Variants in CPQ observed in about 807,000 individuals in gnomAD.
CPQ encodes the protein carboxypeptidase Q.
A neutral mutation model predicts 45.7 loss-of-function variants in CPQ; 37 were observed. The observed-to-expected ratio is 0.81, with a 90% CI of 0.62 to 1.07. The LOEUF (loss-of-function observed/expected upper bound fraction) is 1.07, where lower values mean the gene tolerates loss of function less well. Among genes scored for constraint, CPQ ranks in the 50% least tolerant of loss-of-function variants. The pLI is 0.00. For missense variants in CPQ, 537 were observed against 572.9 expected, an observed-to-expected ratio of 0.94 and a Z score of 0.64; for synonymous variants, 186 against 205.8, an observed-to-expected ratio of 0.90 and a Z score of 0.82.
At position 96,882,504 on chromosome 8, in the gene CPQ, G is replaced by A. The variant is rs567634452; in HGVS notation, c.849+2499G>A. Among the ~76,000 whole-genome samples, 303 of 152,260 alleles carry A rather than the reference G, an allele frequency of 2.0e-3. 2 individuals are homozygous for A. The highest frequency in any genetic ancestry group is 6.8e-3 in the African/African-American group (282 of 41,554). ...AAGGGTTTAGGATTATAATACTATC[G>A]CTGTTTGGTCGAGCAGGCTGGGTGA... On this transcript the variant is annotated intron_variant, in intron 4 of 7. Coordinates refer to ENST00000220763, the MANE Select transcript of CPQ (RefSeq NM_016134.4).
rs562311296 is a variant in CPQ at position 96,845,883 on chromosome 8, G to A, written c.641+10703G>A. On this transcript the variant is annotated intron_variant, in intron 3 of 7. Coordinates refer to ENST00000220763, the MANE Select transcript of CPQ (RefSeq NM_016134.4). The stretch of plus-strand genomic sequence containing the variant: ...TTGCCTAGGCAGGAGTAAATGGCGC[G>A]ATCTCGGCTCACTGCAACCTCCGCC... 3.3e-5 allele frequency among the ~76,000 whole-genome samples: 5 copies of A among 152,110 alleles called. 1 individual carries two copies. The highest frequency in any genetic ancestry group is 4.1e-4 in the South Asian group (2 of 4,824).
At chr8:97,124,437 A>G (rs139252139) in intron 7 of CPQ, among the ~76,000 whole-genome samples, 19 of 152,242 alleles carry the variant, frequency 1.2e-4, no homozygotes, top group African/African-American at 4.1e-4. Flanking sequence ...GATCAAATTG[A>G]TATTACAGAA....
intron 2 of CPQ, among the ~76,000 whole-genome samples, chr8:96,825,147 C>T (rs1385292005): frequency 6.6e-6 from 1 of 151,958 alleles, no homozygotes; most frequent in Non-Finnish European, 1.5e-5. Flanking sequence ...ATAACCCTTT[C>T]CTATGGCCAT....
At chr8:96,812,691 A>G (rs1229429218) in intron 2 of CPQ, among the ~76,000 whole-genome samples, 1 of 152,028 alleles carries the variant, frequency 6.6e-6, no homozygotes, top group Non-Finnish European at 1.5e-5. Context: ...GGCCTTCACG[A>G]TCTTTCTTAA....
intron 4 of CPQ, among the ~76,000 whole-genome samples, chr8:96,951,694 GA>G (rs1390984064): frequency 6.6e-6 from 1 of 152,042 alleles, no homozygotes; most frequent in Non-Finnish European, 1.5e-5. Flanking sequence ...AACATTTTTA[GA>G]ATATTTTCAC....
chr8:97,043,627 G>A (rs982431103), intron 6 of CPQ, among the ~76,000 whole-genome samples: 1 of 152,184 alleles, frequency 6.6e-6, no homozygotes, highest in Non-Finnish European at 1.5e-5. Context: ...GCTGCTACCG[G>A]TTGTTCCTTT....
chr8:96,910,194 T>C (rs763492549), intron 4 of CPQ, among the ~76,000 whole-genome samples: 2 of 152,176 alleles, frequency 1.3e-5, no homozygotes, highest in African/African-American at 2.4e-5. Context: ...TCCATTCACA[T>C]TTATGATAGA....
At chr8:96,801,315 G>C (rs1471146236) in intron 2 of CPQ, among the ~76,000 whole-genome samples, 2 of 151,996 alleles carry the variant, frequency 1.3e-5, no homozygotes, top group Non-Finnish European at 2.9e-5. Flanking sequence ...TCACCTGTGA[G>C]GCATGAGGTT....
At chr8:97,136,786 A>T (rs1812066800) in intron 7 of CPQ, among the ~76,000 whole-genome samples, 2 of 152,232 alleles carry the variant, frequency 1.3e-5, no homozygotes, top group African/African-American at 2.4e-5. Context: ...TCCTTCTGCC[A>T]GCTTTCCATT....
chr8:96,759,678 C>T lies in CPQ; in HGVS notation c.-34-25186C>T, dbSNP rs537907409. Among the ~76,000 whole-genome samples the T allele has an allele frequency of 1.8e-4, 27 of 152,160 alleles. No individual in the cohort carries two copies. In the East Asian group the frequency reaches 4.8e-3, roughly 27 times the overall value. ...CATTTTTGTTTTATAGATGAGGAGA[C>T]TGAGGTGCAGAACATTTAAGCGACT... On this transcript the variant is annotated intron_variant, in intron 1 of 7. Transcript: ENST00000220763.
intron 2 of CPQ, among the ~76,000 whole-genome samples, chr8:96,817,212 A>G (rs1405348491): frequency 6.6e-6 from 1 of 152,116 alleles, no homozygotes; most frequent in Non-Finnish European, 1.5e-5. Context: ...ATAACTAGCT[A>G]TAGCTTCTAC....
intron 3 of CPQ, among the ~76,000 whole-genome samples, chr8:96,837,865 T>C (rs1384538676): frequency 6.6e-6 from 1 of 152,330 alleles, no homozygotes; most frequent in South Asian, 2.1e-4. Context: ...TAACAGACAC[T>C]GAGTCTCTTA....
chr8:97,087,604 A>G (rs1281735385), intron 7 of CPQ, among the ~76,000 whole-genome samples: 1 of 152,226 alleles, frequency 6.6e-6, no homozygotes, highest in Non-Finnish European at 1.5e-5. Context: ...ATCCAGTTGC[A>G]TTAATTTTGT....
chr8:97,047,142 C>T (rs1810272384), intron 6 of CPQ, among the ~76,000 whole-genome samples: 1 of 152,176 alleles, frequency 6.6e-6, no homozygotes, highest in South Asian at 2.1e-4. Flanking sequence ...TCGTGGACAT[C>T]AAGTCATTGA....
chr8:97,067,546 G>C (rs1015550612), intron 7 of CPQ, among the ~76,000 whole-genome samples: 6 of 152,032 alleles, frequency 3.9e-5, no homozygotes, highest in Non-Finnish European at 8.8e-5. Flanking sequence ...CTGCAAAGTA[G>C]ATTTTACCAA....
At position 96,879,819 on chromosome 8, in the gene CPQ, A is replaced by T. The variant is rs778874767; in HGVS notation, c.663A>T (p.Glu221Asp). ...SIYSPHTGIQ[E>D]YQDGVPKIPT... The stretch of plus-strand genomic sequence containing the variant: ...CAAGTCCTCACACAGGTATTCAGGA[A>T]TACCAGGATGGCGTGCCCAAGATTC... Residue 221 changes from glutamate (E) to aspartate (D), a missense_variant, in exon 4 of 8, where the codon GAA becomes GAT. By Grantham distance (45) the Glu-to-Asp change is conservative (BLOSUM62 2). Coordinates refer to ENST00000220763, the MANE Select transcript of CPQ (RefSeq NM_016134.4). 1.3e-5 allele frequency: 21 copies of T among 1,613,956 alleles called. No homozygotes were observed. The highest frequency in any genetic ancestry group is 1.8e-5 in the Non-Finnish European group (21 of 1,179,968).
At chr8:96,956,143 T>C (rs1408778938) in intron 4 of CPQ, among the ~76,000 whole-genome samples, 1 of 152,214 alleles carries the variant, frequency 6.6e-6, no homozygotes, top group Non-Finnish European at 1.5e-5. Context: ...AGGGCTAATA[T>C]CCAGAATCTA....
intron 1 of CPQ, among the ~76,000 whole-genome samples, chr8:96,742,405 C>T (rs1810105646): frequency 6.6e-6 from 1 of 152,286 alleles, no homozygotes; most frequent in Non-Finnish European, 1.5e-5. Flanking sequence ...ATACAGCACA[C>T]TGATGGGTCT....
At chr8:97,124,173 C>A (rs925838942) in intron 7 of CPQ, among the ~76,000 whole-genome samples, 1 of 139,238 alleles carries the variant, frequency 7.2e-6, no homozygotes, top group Non-Finnish European at 1.5e-5. Context: ...TTGCAGTGAG[C>A]CGAGATTGCA....
Sources: allele counts gnomAD v4.1 joint callset (sites outside exome capture counted in the v4.1 genomes callset), GRCh38; gene constraint gnomAD v4.1.1; transcripts MANE v1.5; gene names NCBI Gene and HGNC (gene_info 2026-07-23, HGNC 2026-07-21).